The following KCNH6 variants were observed in gnomAD, a reference collection of about 807,000 sequenced individuals.
The protein encoded by KCNH6 is potassium voltage-gated channel subfamily H member 6.
Under a neutral mutation model 83.4 loss-of-function variants are expected in KCNH6, and 81 were observed. The ratio of observed to expected loss-of-function variants is 0.97; its 90% CI spans 0.81 to 1.17. The LOEUF (loss-of-function observed/expected upper bound fraction) is 1.17. Among genes scored for constraint, KCNH6 ranks in the 50% most tolerant of loss-of-function variants. The probability of loss-of-function intolerance (pLI) is 0.00; values close to 1 mark genes in which losing one functional copy is unlikely to be tolerated. For synonymous variants in KCNH6, 503 were observed against 545.6 expected (o/e 0.92, Z 1.09); for missense variants, 1,203 against 1,290.5 (o/e 0.93, Z 1.04).
chr17:63,543,064 G>T (rs553245920), intron 9 of KCNH6, among the ~76,000 whole-genome samples: 1 of 152,272 alleles, frequency 6.6e-6, no homozygotes, highest in Admixed American at 6.5e-5. Context: ...TGCCCAGAGC[G>T]GGGTATCACG....
chr17:63,532,656 T>C (rs1177632823), intron 4 of KCNH6, among the ~76,000 whole-genome samples: 5 of 152,234 alleles, frequency 3.3e-5, no homozygotes, highest in Non-Finnish European at 7.3e-5. Context: ...TGGTTGAAAC[T>C]AAATGGATCT....
intron 2 of KCNH6, among the ~76,000 whole-genome samples, chr17:63,527,455 A>G (rs902500310): frequency 2.0e-5 from 3 of 152,214 alleles, no homozygotes; most frequent in African/African-American, 7.2e-5. Flanking sequence ...GAGCACATTC[A>G]AGAGGGAGAG....
intron 4 of KCNH6, among the ~76,000 whole-genome samples, chr17:63,531,710 C>T (rs1220223009): frequency 6.6e-6 from 1 of 152,236 alleles, no homozygotes; most frequent in Non-Finnish European, 1.5e-5. Context: ...CAGCTGCTTA[C>T]TCCAGGACAT....
Position 63,534,440 on chromosome 17 carries a change from G to A in KCNH6, c.1101+129G>A. The stretch of plus-strand genomic sequence containing the variant: ...GGCACCTTTGCTGAAGCACGTGGAG[G>A]TGGAGAGGAGGCCCCAAACATCTGT... On this transcript the variant is annotated intron_variant, in intron 5 of 12. Coordinates refer to ENST00000314672, the MANE Select transcript of KCNH6 (RefSeq NM_001278919.2). The surrounding 1 kb of genome is among the most constrained non-coding windows in gnomAD (Gnocchi z 5.0). 1.1e-6 allele frequency: 1 copy of A among 910,996 alleles called. No homozygotes were observed. Among genetic ancestry groups the A allele is most frequent in the Non-Finnish European group, 1.6e-6 (1 of 614,336 alleles). 56.4% of individuals were successfully genotyped at this position (910,996 alleles called of 1,614,324 possible).
Position 63,546,061 on chromosome 17 carries a change from C to T in KCNH6, c.*159C>T. 2 of 613,408 alleles carry T rather than the reference C, an allele frequency of 3.3e-6. No individual in the cohort carries two copies. Among genetic ancestry groups the T allele is most frequent in the South Asian group, 4.5e-5 (2 of 44,312 alleles). The allele number at this position is 613,408 out of a possible 1,614,324, so 38.0% of individuals were successfully genotyped here. A position where few individuals can be genotyped will look rare whatever the true frequency, so the allele number is the denominator to read the frequency against. ...CATCCTGGCTAACACGGTGAAACCC[C>T]ACCTCTACTAAAATTAAAAAAGAAA... On this transcript the variant is annotated 3_prime_UTR_variant, in exon 13 of 13. Transcript: ENST00000314672.
rs1334924774 is a variant in KCNH6 at position 63,530,631 on chromosome 17, T to G, written c.675+89T>G. 6 of 1,196,298 alleles carry G rather than the reference T, an allele frequency of 5.0e-6. No individual in the cohort carries two copies. The African/African-American group carries it at 9.1e-5, about 18-fold the overall frequency. 74.1% of individuals were successfully genotyped at this position (1,196,298 alleles called of 1,614,324 possible). A position where few individuals can be genotyped will look rare whatever the true frequency, so the allele number is the denominator to read the frequency against. On this transcript the variant is annotated intron_variant, in intron 4 of 12. Coordinates refer to ENST00000314672, the MANE Select transcript of KCNH6 (RefSeq NM_001278919.2). ...CTGGGCCCAGGCCCTTCTGGGGCCT[T>G]GGCCGATAAAGAGATCCTGCCTGTC... is the stretch of plus-strand genomic sequence containing the variant.
At chr17:63,528,536 A>C (rs1030393034) in intron 2 of KCNH6, among the ~76,000 whole-genome samples, 2 of 152,172 alleles carry the variant, frequency 1.3e-5, no homozygotes, top group African/African-American at 4.8e-5. Context: ...GAGTCATTCC[A>C]GTGAGCTCCA....
chr17:63,541,281 T>A (rs1388903332), intron 8 of KCNH6, among the ~76,000 whole-genome samples: 1 of 142,556 alleles, frequency 7.0e-6, no homozygotes, highest in Admixed American at 7.3e-5. Context: ...GTCAGGTGCC[T>A]CTTGCTTTTT....
intron 4 of KCNH6, among the ~76,000 whole-genome samples, chr17:63,531,430 G>A (rs1413479241): frequency 6.6e-6 from 1 of 152,260 alleles, no homozygotes; most frequent in African/African-American, 2.4e-5. Context: ...GTCATAGCCA[G>A]GGGCCCAGGC....
intron 8 of KCNH6, 53 bp from the exon 9 acceptor site, chr17:63,542,188 T>A (rs2032900448): frequency 6.3e-7 from 1 of 1,589,452 alleles, no homozygotes; most frequent in Non-Finnish European, 8.6e-7. Context: ...AGGACCCTCA[T>A]AAGGGAGCAT....
Position 63,535,706 on chromosome 17 carries a change from T to G in KCNH6, c.1139T>G (p.Leu380Arg). The change falls in exon 6 of 13, where the codon CTG (leucine) becomes CGG (arginine). Residue 380 changes from leucine to arginine, a missense_variant. Coordinates refer to ENST00000314672, the MANE Select transcript of KCNH6 (RefSeq NM_001278919.2). The surrounding 1 kb of genome is among the most constrained non-coding windows in gnomAD (Gnocchi z 4.9). ...ATTGGGCTATTGAAGACAGCGCGGC[T>G]GCTGCGGCTGGTGCGCGTAGCACGG... ...TLIGLLKTARLLRLVRVARKL... is the reference protein window; with the variant it reads ...TLIGLLKTARRLRLVRVARKL... The G allele has an allele frequency of 6.2e-7, 1 of 1,613,066 alleles. No homozygotes were observed. The highest frequency in any genetic ancestry group is 1.7e-5 in the Admixed American group (1 of 59,968).
In KCNH6 at chr17:63,534,045, G is replaced by T. The variant is rs758057600; in HGVS notation, c.835G>T (p.Ala279Ser). The change falls in exon 5 of 13, where the codon GCC (alanine) becomes TCC (serine). Residue 279 changes from alanine (A) to serine (S), a missense_variant. Transcript: ENST00000314672. This position sits in a 1 kb window ranked among gnomAD's most constrained non-coding sequence, Gnocchi z 5.0. ...YTAVFTPYSA[A>S]FLLSDQDESR... is the part of the protein sequence containing the mutation. ...GGCTGTCTTCACGCCCTACTCAGCC[G>T]CCTTCCTGCTCAGCGATCAGGACGA... is the stretch of plus-strand genomic sequence containing the variant. The T allele has an allele frequency of 1.9e-6, 3 of 1,614,040 alleles. No homozygotes were observed. The highest frequency in any genetic ancestry group is 2.5e-6 in the Non-Finnish European group (3 of 1,180,022).
rs1419630006 is a variant in KCNH6, at chr17:63,535,937, C to A, written c.1370C>A (p.Pro457His). ...AACGGCAGCGACCCAGCCTCGGGCC[C>A]CTCGGTGCAGGACAAGTATGTCACA... is the stretch of plus-strand genomic sequence containing the variant. ...RYNGSDPASG[P>H]SVQDKYVTAL... The change falls in exon 6 of 13, where the codon CCC (proline) becomes CAC (histidine). Residue 457 changes from proline (P) to histidine (H), a missense_variant. Coordinates refer to ENST00000314672, the MANE Select transcript of KCNH6 (RefSeq NM_001278919.2). The surrounding 1 kb of genome is among the most constrained non-coding windows in gnomAD (Gnocchi z 4.9). The A allele has an allele frequency of 6.2e-7, 1 of 1,614,000 alleles. No homozygotes were observed. Among genetic ancestry groups the A allele is most frequent in the Admixed American group, 1.7e-5 (1 of 60,030 alleles).
chr17:63,536,116 C>T, intron 6 of KCNH6, 48 bp downstream of exon 6: 1 of 1,553,674 alleles, frequency 6.4e-7, no homozygotes, highest in Non-Finnish European at 8.8e-7. Flanking sequence ...CTGGTCTTAC[C>T]CGTGAAATTT....
chr17:63,547,116 G>C (rs1039974813), downstream of KCNH6, among the ~76,000 whole-genome samples: 1 of 152,180 alleles, frequency 6.6e-6, no homozygotes, highest in African/African-American at 2.4e-5. Flanking sequence ...CCAAACATGA[G>C]GGGGATTTCT....
At chr17:63,542,485 G>T (rs1322120415) in intron 9 of KCNH6, 51 bp downstream of exon 9, 2 of 1,549,770 alleles carry the variant, frequency 1.3e-6, no homozygotes, top group African/African-American at 2.7e-5. Context: ...CAGGCAGCCT[G>T]CCTGGCCTGA....
Position 63,545,905 on chromosome 17 carries a change from T to TC in KCNH6, c.*5dup, listed in dbSNP as rs761736789. The TC allele has an allele frequency of 1.9e-6, 3 of 1,613,154 alleles. No homozygotes were observed. Among genetic ancestry groups the TC allele is most frequent in the Non-Finnish European group, 2.5e-6 (3 of 1,179,662 alleles). ...TTGCAGGGAGTTGGGGCCACTGAAC[T>TC]CCAAGATAAAGACACCATGAGGGGA... On this transcript the variant is annotated 3_prime_UTR_variant, in exon 13 of 13. Coordinates refer to ENST00000314672, the MANE Select transcript of KCNH6 (RefSeq NM_001278919.2).
In KCNH6 at chr17:63,523,540, T is replaced by A; in HGVS notation, c.76+51T>A. 85 of 1,421,034 alleles carry A rather than the reference T, an allele frequency of 6.0e-5. No individual in the cohort carries two copies. Among genetic ancestry groups the A allele is most frequent in the Non-Finnish European group, 8.1e-5 (83 of 1,028,908 alleles). The allele number at this position is 1,421,034 out of a possible 1,614,324, so 88.0% of individuals were successfully genotyped here. A position where few individuals can be genotyped will look rare whatever the true frequency, so the allele number is the denominator to read the frequency against. Reference sequence around the variant, plus strand: ...GGGACGATCTGGAGTCCTGGTTCCGTGAAAGGGGGGGCTGGACCCCTTTAC... The same window carrying A: ...GGGACGATCTGGAGTCCTGGTTCCGAGAAAGGGGGGGCTGGACCCCTTTAC... On this transcript the variant is annotated intron_variant, in intron 1 of 12. Transcript: ENST00000314672. This position sits in a 1 kb window ranked among gnomAD's most constrained non-coding sequence, Gnocchi z 4.2.
Position 63,535,734 on chromosome 17 carries a change from G to A in KCNH6, c.1167G>A (p.Lys389=), listed in dbSNP as rs1213260073. 6.2e-7 allele frequency: 1 copy of A among 1,613,674 alleles called. No individual in the cohort carries two copies. The highest frequency in any genetic ancestry group is 8.5e-7 in the Non-Finnish European group (1 of 1,180,036). The stretch of plus-strand genomic sequence containing the variant: ...TGCGGCTGGTGCGCGTAGCACGGAA[G>A]CTGGACCGCTACTCTGAGTATGGGG... ...RLLRLVRVAR[K]LDRYSEYGAA... is the part of the protein sequence containing the mutation. Residue 389 remains lysine, a synonymous_variant, in exon 6 of 13, where the codon AAG becomes AAA. Transcript: ENST00000314672. The surrounding 1 kb of genome is among the most constrained non-coding windows in gnomAD (Gnocchi z 4.9).
Sources: allele counts gnomAD v4.1 joint callset (sites outside exome capture counted in the v4.1 genomes callset), GRCh38; gene constraint gnomAD v4.1.1; non-coding constraint Gnocchi (gnomAD v3.1); transcripts MANE v1.5; gene names NCBI Gene and HGNC (gene_info 2026-07-23, HGNC 2026-07-21).